The following STIM1 variants were observed in gnomAD, a reference collection of about 807,000 sequenced individuals.
The protein encoded by STIM1 is stromal interaction molecule 1.
In STIM1, 25 loss-of-function variants were observed where a neutral mutation model predicts 74.7. The ratio of observed to expected loss-of-function variants is 0.33; its 90% CI spans 0.24 to 0.47. The LOEUF (loss-of-function observed/expected upper bound fraction) is 0.47. Among genes scored for constraint, STIM1 ranks in the 20% least tolerant of loss-of-function variants. The probability of loss-of-function intolerance (pLI) is 1.00; values close to 1 mark genes in which losing one functional copy is unlikely to be tolerated. For synonymous variants in STIM1, 328 were observed against 348.8 expected (o/e 0.94, Z 0.66); for missense variants, 728 against 920.8 (o/e 0.79, Z 2.71).
At chr11:3,888,685 G>A (rs2091805490) in intron 1 of STIM1, among the ~76,000 whole-genome samples, 1 of 151,916 alleles carries the variant, frequency 6.6e-6, no homozygotes, top group South Asian at 2.1e-4. Context: ...ACACCACCTG[G>A]GATTACAGGT....
At chr11:3,997,624 A>G (rs1478276332) in intron 2 of STIM1, among the ~76,000 whole-genome samples, 1 of 152,160 alleles carries the variant, frequency 6.6e-6, no homozygotes, top group East Asian at 1.9e-4. Context: ...TGATAAGGAG[A>G]ATGTTTTAAG....
In STIM1 at chr11:3,856,186, G is replaced by T; in HGVS notation, c.-85G>T. On this transcript the variant is annotated 5_prime_UTR_variant, in exon 1 of 13. Coordinates refer to ENST00000526596, the MANE Select transcript of STIM1 (RefSeq NM_001382567.1). ...CGCGAGGGCATCTTGCCTGGAGACC[G>T]TCGGCTGCACTCCCGGGCTCCTGGC... is the stretch of plus-strand genomic sequence containing the variant. 1 of 1,585,942 alleles carries T rather than the reference G, an allele frequency of 6.3e-7. No individual in the cohort carries two copies.
intron 1 of STIM1, among the ~76,000 whole-genome samples, chr11:3,920,809 T>G (rs982875537): frequency 6.6e-6 from 1 of 151,902 alleles, no homozygotes; most frequent in Non-Finnish European, 1.5e-5. Context: ...TTTAATTTTT[T>G]TTTTGAGATG....
intron 1 of STIM1, among the ~76,000 whole-genome samples, chr11:3,936,788 C>A (rs2092937330): frequency 6.6e-6 from 1 of 152,088 alleles, no homozygotes; most frequent in African/African-American, 2.4e-5. Flanking sequence ...AGACTGGATG[C>A]CCTGAAGTGA....
chr11:4,074,302 T>C (rs1456244666), intron 6 of STIM1, among the ~76,000 whole-genome samples, 200 bp from the exon 7 acceptor site: 1 of 152,178 alleles, frequency 6.6e-6, no homozygotes, highest in African/African-American at 2.4e-5. Context: ...GGCAGCAAAA[T>C]GATGGTCAGT....
intron 1 of STIM1, among the ~76,000 whole-genome samples, chr11:3,866,597 T>A (rs1356823544): frequency 1.3e-5 from 2 of 152,092 alleles, no homozygotes; most frequent in Non-Finnish European, 2.9e-5. Context: ...CAGCTAATTT[T>A]TGTATATTTA....
chr11:3,991,984 A>AG (rs1456225086), intron 2 of STIM1, among the ~76,000 whole-genome samples: 2 of 149,566 alleles, frequency 1.3e-5, no homozygotes, highest in African/African-American at 4.9e-5. Flanking sequence ...AAAAAAAAAA[A>AG]AAATCTCCAA....
In STIM1 at chr11:3,936,382, G is replaced by T. The variant is rs147809770; in HGVS notation, c.140-31170G>T. On this transcript the variant is annotated intron_variant, in intron 1 of 12. Coordinates refer to ENST00000526596, the MANE Select transcript of STIM1 (RefSeq NM_001382567.1). ...ACTTACAATCTAAGCACTAGGAGGG[G>T]TGTTGGGGAGCAAGAGGCCCAGAGA... 3.1e-3 allele frequency among the ~76,000 whole-genome samples: 467 copies of T among 152,278 alleles called. 14 individuals carry two copies. Among genetic ancestry groups the T allele is most frequent in the Admixed American group, 0.027 (408 of 15,292 alleles).
chr11:3,918,105 A>G (rs2092671980), intron 1 of STIM1, among the ~76,000 whole-genome samples: 1 of 151,316 alleles, frequency 6.6e-6, no homozygotes. Context: ...ATTAGGACTC[A>G]CTCTCTCCCC....
At chr11:4,003,912 G>A (rs1479180093) in intron 2 of STIM1, among the ~76,000 whole-genome samples, 1 of 152,094 alleles carries the variant, frequency 6.6e-6, no homozygotes, top group Non-Finnish European at 1.5e-5. Flanking sequence ...AAAAATCAAT[G>A]TACAAAAATC....
chr11:4,021,011 C>T (rs1590654614), intron 2 of STIM1, among the ~76,000 whole-genome samples: 2 of 152,018 alleles, frequency 1.3e-5, no homozygotes, highest in East Asian at 1.9e-4. Flanking sequence ...AGATGTTAAC[C>T]GCTTGTCAGA....
chr11:3,907,203 C>T (rs187531771), intron 1 of STIM1, among the ~76,000 whole-genome samples: 12 of 152,202 alleles, frequency 7.9e-5, no homozygotes, highest in African/African-American at 2.6e-4. Context: ...ACGAACAAAA[C>T]GGGGTTATAA....
intron 1 of STIM1, among the ~76,000 whole-genome samples, chr11:3,869,487 A>G (rs2090996462): frequency 6.6e-6 from 1 of 152,162 alleles, no homozygotes; most frequent in Non-Finnish European, 1.5e-5. Flanking sequence ...GTGGGTCTTC[A>G]GATACTTCAG....
chr11:3,933,489 A>C (rs548249068), intron 1 of STIM1, among the ~76,000 whole-genome samples: 72 of 152,340 alleles, frequency 4.7e-4, no homozygotes, highest in Non-Finnish European at 7.3e-4. Flanking sequence ...TCTAAAGTCC[A>C]TGTTTCCCTC....
chr11:4,022,753 A>G (rs965679696), intron 2 of STIM1, among the ~76,000 whole-genome samples: 6 of 152,214 alleles, frequency 3.9e-5, no homozygotes, highest in Admixed American at 2.0e-4. Flanking sequence ...CTACTCACAC[A>G]TTTCTATCTC....
chr11:4,086,984 T>C, intron 12 of STIM1: 1 of 1,327,390 alleles, frequency 7.5e-7, no homozygotes, highest in Non-Finnish European at 1.0e-6. Flanking sequence ...AATCTTCTTA[T>C]CCTGTTTGTT....
intron 3 of STIM1, among the ~76,000 whole-genome samples, chr11:4,042,105 G>T (rs1590668442): frequency 6.6e-6 from 1 of 152,168 alleles, no homozygotes; most frequent in East Asian, 1.9e-4. Flanking sequence ...TACTGATTCG[G>T]GAATCCATTT....
intron 1 of STIM1, among the ~76,000 whole-genome samples, chr11:3,905,532 C>T (rs939067100): frequency 1.3e-5 from 2 of 151,984 alleles, no homozygotes; most frequent in Non-Finnish European, 2.9e-5. Flanking sequence ...CTGAAGCCTG[C>T]GGTCACTAGA....
intron 2 of STIM1, among the ~76,000 whole-genome samples, chr11:4,012,267 A>T (rs1297387388): frequency 6.6e-6 from 1 of 152,206 alleles, no homozygotes; most frequent in Non-Finnish European, 1.5e-5. Flanking sequence ...GAAGAAAGTC[A>T]GTGGTAGCTT....
Sources: gnomAD v4.1 joint callset for allele counts (sites outside exome capture counted in the v4.1 genomes callset) on GRCh38, gnomAD v4.1.1 for gene constraint, MANE v1.5 for transcripts, NCBI Gene and HGNC (gene_info 2026-07-23, HGNC 2026-07-21) for gene names.